The following GRM5 variants were observed in gnomAD, a reference collection of about 807,000 sequenced individuals.
GRM5 encodes metabotropic glutamate receptor 5.
A neutral mutation model predicts 83.1 loss-of-function variants in GRM5; 19 were observed. The observed-to-expected ratio is 0.23, with a 90% CI of 0.16 to 0.34. The LOEUF is 0.34. Among genes scored for constraint, GRM5 ranks in the 10% least tolerant of loss-of-function variants. The pLI is 1.00. For synonymous variants in GRM5, 675 were observed against 633.6 expected (o/e 1.07, Z -0.98); for missense variants, 1,160 against 1,588.3 (o/e 0.73, Z 4.58).
intron 4 of GRM5, among the ~76,000 whole-genome samples, chr11:88,621,836 T>A (rs1427119333): frequency 6.6e-6 from 1 of 152,142 alleles, no homozygotes; most frequent in Non-Finnish European, 1.5e-5. Flanking sequence ...CAAAAACGAA[T>A]TACATTGCAG....
intron 2 of GRM5, among the ~76,000 whole-genome samples, chr11:88,992,117 G>T (rs1404093082): frequency 2.2e-4 from 34 of 152,206 alleles, no homozygotes; most frequent in South Asian, 1.7e-3. Flanking sequence ...CTACTCATCT[G>T]ACAAAGGGCT....
At chr11:88,730,292 T>G (rs541891321) in intron 3 of GRM5, among the ~76,000 whole-genome samples, 4 of 152,268 alleles carry the variant, frequency 2.6e-5, no homozygotes, top group South Asian at 2.1e-4. Flanking sequence ...TCACTGGTCA[T>G]TAGAGAAATG....
intron 3 of GRM5, among the ~76,000 whole-genome samples, chr11:88,778,464 T>A (rs1356974378): frequency 6.6e-6 from 1 of 152,204 alleles, no homozygotes; most frequent in Non-Finnish European, 1.5e-5. Context: ...CTGCACCCAC[T>A]GTCCAACCAG....
At chr11:88,798,805 C>CAAAAAAAAAAAAAAAAAAAAAAAAA (rs4002396) in intron 3 of GRM5, among the ~76,000 whole-genome samples, 22 of 55,366 alleles carry the variant, frequency 4.0e-4, no homozygotes, top group South Asian at 7.3e-4. Flanking sequence ...ATGAAAACAC[C>CAAAAAAAAAAAAAAAAAAAAAAAAA]AAAAAAAAAA....
intron 3 of GRM5, among the ~76,000 whole-genome samples, chr11:88,758,761 C>G (rs7121053): frequency 0.03 from 4,505 of 152,166 alleles, 215 homozygotes; most frequent in African/African-American, 0.099. Context: ...AGATTCTTCA[C>G]AAGAAGATCA....
intron 3 of GRM5, among the ~76,000 whole-genome samples, chr11:88,721,590 C>T (rs577802334): frequency 1.7e-4 from 26 of 152,164 alleles, no homozygotes; most frequent in African/African-American, 6.3e-4. Context: ...TTATTCCAAA[C>T]AAGAATAAAC....
intron 3 of GRM5, among the ~76,000 whole-genome samples, chr11:88,821,164 C>T (rs1000647217): frequency 6.6e-6 from 1 of 151,826 alleles, no homozygotes; most frequent in Non-Finnish European, 1.5e-5. Flanking sequence ...ACTATCTGTC[C>T]TGAGAATCTA....
intron 2 of GRM5, among the ~76,000 whole-genome samples, chr11:88,970,376 T>G (rs1411818931): frequency 6.6e-6 from 1 of 151,938 alleles, no homozygotes; most frequent in African/African-American, 2.4e-5. Flanking sequence ...CAGGCAAGAG[T>G]GAAGAGGTAG....
At chr11:88,814,033 C>G (rs1327912094) in intron 3 of GRM5, among the ~76,000 whole-genome samples, 1 of 151,966 alleles carries the variant, frequency 6.6e-6, no homozygotes, top group Non-Finnish European at 1.5e-5. Context: ...CTAAATGATT[C>G]CAAAATTAAT....
At chr11:88,990,469 T>C (rs1026440747) in intron 2 of GRM5, among the ~76,000 whole-genome samples, 22 of 151,546 alleles carry the variant, frequency 1.5e-4, no homozygotes, top group Non-Finnish European at 2.9e-4. Context: ...CTGAAATTAT[T>C]CCAATCAATA....
chr11:88,819,314 C>G (rs955978924), intron 3 of GRM5, among the ~76,000 whole-genome samples: 7 of 152,112 alleles, frequency 4.6e-5, no homozygotes, highest in Admixed American at 1.3e-4. Flanking sequence ...CTGAAAATGA[C>G]TATATACATT....
chr11:88,593,153 C>T (rs567840465), intron 6 of GRM5, among the ~76,000 whole-genome samples: 3 of 152,222 alleles, frequency 2.0e-5, no homozygotes, highest in East Asian at 3.9e-4. Context: ...CAATATATAA[C>T]ATATCTGAAA....
At chr11:88,634,816 A>G (rs1051841153) in intron 4 of GRM5, among the ~76,000 whole-genome samples, 2 of 152,204 alleles carry the variant, frequency 1.3e-5, no homozygotes, top group East Asian at 3.8e-4. Flanking sequence ...CTTTCATGCA[A>G]TTGGCAGTGC....
At chr11:88,815,346 CA>C (rs1393174398) in intron 3 of GRM5, among the ~76,000 whole-genome samples, 4 of 151,892 alleles carry the variant, frequency 2.6e-5, no homozygotes, top group Non-Finnish European at 5.9e-5. Context: ...GGACAAAAAT[CA>C]AAATGAAAAT....
intron 2 of GRM5, among the ~76,000 whole-genome samples, chr11:88,878,263 C>A (rs930059831): frequency 6.6e-6 from 1 of 152,152 alleles, no homozygotes; most frequent in Non-Finnish European, 1.5e-5. Context: ...AATATTTCTG[C>A]CCATTGCATT....
intron 4 of GRM5, among the ~76,000 whole-genome samples, chr11:88,607,138 G>A (rs1027952610): frequency 2.0e-5 from 3 of 151,978 alleles, no homozygotes; most frequent in African/African-American, 7.2e-5. Flanking sequence ...ATATAAGATG[G>A]GAAATCCTGC....
At chr11:88,626,279 T>G (rs1450030328) in intron 4 of GRM5, among the ~76,000 whole-genome samples, 2 of 152,346 alleles carry the variant, frequency 1.3e-5, no homozygotes, top group East Asian at 3.9e-4. Context: ...TCTTAAACGT[T>G]GCTTTTATAT....
At chr11:89,010,040 T>A (rs4753209) in intron 2 of GRM5, among the ~76,000 whole-genome samples, 86,250 of 147,924 alleles carry the variant, frequency 0.58, 25,197 homozygotes, top group South Asian at 0.71. Flanking sequence ...TATAATATAG[T>A]TATATATTAT....
chr11:88,672,904 G>A lies in GRM5; in HGVS notation c.912-19501C>T, dbSNP rs905294088. ...GTTTATTATATGCTGAGGGTACAGT[G>A]GTAATCAAGACAGAGAAGTTACTGT... On this transcript the variant is annotated intron_variant, in intron 3 of 9. Coordinates refer to ENST00000305447, the MANE Select transcript of GRM5 (RefSeq NM_001143831.3). Among the ~76,000 whole-genome samples, 22 of 151,982 alleles carry A rather than the reference G, an allele frequency of 1.4e-4. 1 individual carries two copies. The East Asian group carries it at 3.9e-3, about 27-fold the overall frequency.
Sources: gnomAD v4.1 joint callset for allele counts (sites outside exome capture counted in the v4.1 genomes callset) on GRCh38, gnomAD v4.1.1 for gene constraint, MANE v1.5 for transcripts, NCBI Gene and HGNC (gene_info 2026-07-23, HGNC 2026-07-21) for gene names.